Variants in RAD18 observed in about 807,000 individuals in gnomAD.
RAD18 encodes the protein RAD18 E3 ubiquitin protein ligase.
In RAD18, 47 loss-of-function variants were observed where a neutral mutation model predicts 60.4. That is an observed-to-expected ratio of 0.78 (90% CI 0.62 to 0.99). The LOEUF (loss-of-function observed/expected upper bound fraction) is 0.99, where lower values mean the gene tolerates loss of function less well. Ranked by LOEUF, RAD18 falls within the 50% of genes least tolerant of loss-of-function variation. The pLI, the probability that RAD18 is intolerant of heterozygous loss-of-function variation, is 0.00. For synonymous variants in RAD18, 225 were observed against 195.5 expected, an observed-to-expected ratio of 1.15 and a Z score of -1.26; for missense variants, 640 against 593.3, an observed-to-expected ratio of 1.08 and a Z score of -0.82.
At chr3:8,896,611 T>C (rs1456322511) in intron 11 of RAD18, among the ~76,000 whole-genome samples, 1 of 152,216 alleles carries the variant, frequency 6.6e-6, no homozygotes, top group Non-Finnish European at 1.5e-5. Context: ...CATGAGCCTA[T>C]TTGTCCATGT....
intron 7 of RAD18, among the ~76,000 whole-genome samples, chr3:8,923,440 G>A (rs531728937): frequency 1.3e-5 from 2 of 152,282 alleles, no homozygotes; most frequent in African/African-American, 4.8e-5. Context: ...ACGTCTCACT[G>A]GTGTACCTGA....
intron 7 of RAD18, among the ~76,000 whole-genome samples, chr3:8,923,644 A>T (rs536119418): frequency 6.6e-6 from 1 of 152,270 alleles, no homozygotes; most frequent in South Asian, 2.1e-4. Context: ...GAAGGAAAAA[A>T]CGTTAAGGGC....
intron 2 of RAD18, 146 bp from the exon 3 acceptor site, chr3:8,948,716 A>G: frequency 1.6e-6 from 1 of 609,906 alleles, no homozygotes; most frequent in Non-Finnish European, 2.9e-6. Flanking sequence ...CCTCTACTCT[A>G]TGCACACTTA....
chr3:8,945,796 TA>T (rs1940830244), intron 4 of RAD18, among the ~76,000 whole-genome samples: 1 of 152,014 alleles, frequency 6.6e-6, no homozygotes, highest in Admixed American at 6.5e-5. Context: ...AGAAAAAGTT[TA>T]AAAAGGAAAA....
chr3:8,943,854 G>A (rs2124832607), intron 4 of RAD18, among the ~76,000 whole-genome samples: 1 of 152,080 alleles, frequency 6.6e-6, no homozygotes, highest in East Asian at 1.9e-4. Flanking sequence ...TCCCTGGAGG[G>A]AAAATTATTG....
intron 7 of RAD18, among the ~76,000 whole-genome samples, chr3:8,922,083 A>T (rs538804614): frequency 7.2e-4 from 109 of 152,304 alleles, no homozygotes; most frequent in Non-Finnish European, 9.1e-4. Context: ...ATTTTCGGAC[A>T]GTGGGTGCAG....
intron 7 of RAD18, among the ~76,000 whole-genome samples, chr3:8,934,932 T>C (rs1457083909): frequency 6.6e-6 from 1 of 152,230 alleles, no homozygotes; most frequent in Non-Finnish European, 1.5e-5. Context: ...AATCTTATAA[T>C]GTTGCACAAA....
Position 8,878,460 on chromosome 3 carries a change from T to C in RAD18, c.*2897A>G, listed in dbSNP as rs1443794258. 1.3e-5 allele frequency: 2 copies of C among 152,182 alleles called. No individual in the cohort carries two copies. The highest frequency in any genetic ancestry group is 1.9e-4 in the East Asian group (1 of 5,196). The allele number at this position is 152,182 out of a possible 1,614,324, so 9.4% of individuals were successfully genotyped here. A position where few individuals can be genotyped will look rare whatever the true frequency, so the allele number is the denominator to read the frequency against. On this transcript the variant is annotated 3_prime_UTR_variant, in exon 13 of 13. Transcript: ENST00000264926. ...ATATGTACATAACAGACAGAAGTGT[T>C]TCTCATTTGAATAATTGCTACTTTC...
chr3:8,942,318 C>A (rs1358426796), intron 4 of RAD18, among the ~76,000 whole-genome samples: 1 of 152,148 alleles, frequency 6.6e-6, no homozygotes, highest in Non-Finnish European at 1.5e-5. Flanking sequence ...CTCTTGCTCC[C>A]ACTCTCACCA....
intron 7 of RAD18, among the ~76,000 whole-genome samples, chr3:8,925,384 A>G (rs995394118): frequency 4.6e-5 from 7 of 152,312 alleles, no homozygotes; most frequent in Non-Finnish European, 8.8e-5. Flanking sequence ...CTCTGAATAA[A>G]CCAATAACAG....
intron 2 of RAD18, among the ~76,000 whole-genome samples, chr3:8,957,405 CT>C: frequency 6.6e-6 from 1 of 152,262 alleles, no homozygotes; most frequent in East Asian, 1.9e-4. Flanking sequence ...CTTACAATGC[CT>C]GACTTCAAGA....
chr3:8,909,781 GGAA>G (rs1386567427), intron 9 of RAD18, among the ~76,000 whole-genome samples: 10 of 152,084 alleles, frequency 6.6e-5, no homozygotes, highest in Non-Finnish European at 1.3e-4. Context: ...GGGCCACACT[GGAA>G]GAAGAATTGT....
At chr3:8,935,263 A>G (rs1311928741) in intron 7 of RAD18, among the ~76,000 whole-genome samples, 2 of 152,244 alleles carry the variant, frequency 1.3e-5, no homozygotes, top group Non-Finnish European at 2.9e-5. Flanking sequence ...AAGAACTCCA[A>G]TGTATGTGTG....
chr3:8,915,786 T>C (rs1206059294), intron 7 of RAD18, among the ~76,000 whole-genome samples: 1 of 152,078 alleles, frequency 6.6e-6, no homozygotes, highest in African/African-American at 2.4e-5. Flanking sequence ...GGTTTCACCA[T>C]GTTAGCCAGG....
intron 9 of RAD18, among the ~76,000 whole-genome samples, chr3:8,903,037 A>C (rs1258963180): frequency 2.0e-5 from 3 of 151,978 alleles, no homozygotes; most frequent in South Asian, 2.1e-4. Flanking sequence ...AAAAAAAAAA[A>C]CAAAAAACAA....
intron 4 of RAD18, among the ~76,000 whole-genome samples, chr3:8,944,176 A>G (rs1940801947): frequency 6.6e-6 from 1 of 152,250 alleles, no homozygotes; most frequent in Non-Finnish European, 1.5e-5. Flanking sequence ...CTTTAAAACA[A>G]CAAATTTTAA....
At chr3:8,922,134 C>A (rs1019448017) in intron 7 of RAD18, among the ~76,000 whole-genome samples, 1 of 152,176 alleles carries the variant, frequency 6.6e-6, no homozygotes, top group Admixed American at 6.5e-5. Context: ...TGAAGCAGGG[C>A]GAGGCATCGC....
chr3:8,902,596 A>C, intron 9 of RAD18, 76 bp from the exon 10 acceptor site: 1 of 1,425,394 alleles, frequency 7.0e-7, no homozygotes, highest in Non-Finnish European at 9.4e-7. Context: ...ACTGAATATC[A>C]AGAGGTGTAC....
intron 4 of RAD18, 121 bp downstream of exon 4, chr3:8,947,099 C>T (rs1021495912): frequency 2.4e-5 from 18 of 740,056 alleles, no homozygotes; most frequent in Non-Finnish European, 3.8e-5. Flanking sequence ...ACTGTTACTT[C>T]CCTTCTTTGA....
Sources: allele counts gnomAD v4.1 joint callset (sites outside exome capture counted in the v4.1 genomes callset), GRCh38; gene constraint gnomAD v4.1.1; transcripts MANE v1.5; gene names NCBI Gene and HGNC (gene_info 2026-07-23, HGNC 2026-07-21).